Variants in MYBPC1 observed in about 807,000 individuals in gnomAD.
MYBPC1 encodes the protein myosin binding protein C1, also known as myosin-binding protein C, slow-type.
MYBPC1 carries 52 observed loss-of-function variants against 147.1 expected under a neutral mutation model. The ratio of observed to expected loss-of-function variants is 0.35; its 90% CI spans 0.28 to 0.45. MYBPC1 has a LOEUF of 0.45. Among genes scored for constraint, MYBPC1 ranks in the 20% least tolerant of loss-of-function variants. The pLI, the probability that MYBPC1 is intolerant of heterozygous loss-of-function variation, is 1.00. For synonymous variants in MYBPC1, 477 were observed against 475.9 expected, an observed-to-expected ratio of 1.00 and a Z score of -0.03; for missense variants, 1,228 against 1,440.3, an observed-to-expected ratio of 0.85 and a Z score of 2.39.
intron 24 of MYBPC1, among the ~76,000 whole-genome samples, chr12:101,671,255 G>A (rs61935719): frequency 1.1e-4 from 16 of 151,002 alleles, no homozygotes; most frequent in East Asian, 3.9e-4. Context: ...TGTGGCTATC[G>A]TATCAGCCAG....
intron 5 of MYBPC1, chr12:101,629,138 G>A (rs1484981580): frequency 2.5e-6 from 1 of 400,290 alleles, no homozygotes; most frequent in Non-Finnish European, 4.7e-6. Context: ...GCAAGATGGG[G>A]AAGCAAAGGA....
the MYBPC1 span, among the ~76,000 whole-genome samples, chr12:101,695,611 C>T: frequency 6.6e-6 from 1 of 152,092 alleles, no homozygotes; most frequent in Non-Finnish European, 1.5e-5. Context: ...TTTGTTTTTC[C>T]TGTCCTCTTA....
At chr12:101,682,720 GAA>G in intron 30 of MYBPC1, 58 bp downstream of exon 30, 1 of 1,458,850 alleles carries the variant, frequency 6.9e-7, no homozygotes, top group Non-Finnish European at 9.6e-7. Context: ...CCTCTTACAT[GAA>G]AATGCACCTT....
At chr12:101,643,901 C>T (rs1038231741) in intron 11 of MYBPC1, among the ~76,000 whole-genome samples, 2 of 151,992 alleles carry the variant, frequency 1.3e-5, no homozygotes, top group Admixed American at 6.5e-5. Context: ...CAAAGGCATT[C>T]GATTTAATAT....
chr12:101,691,762 G>A, the MYBPC1 span, among the ~76,000 whole-genome samples: 1 of 152,202 alleles, frequency 6.6e-6, no homozygotes, highest in East Asian at 1.9e-4. Flanking sequence ...CTTCCTGTGT[G>A]TCTGTAATCA....
chr12:101,631,984 A>T (rs761045449), intron 7 of MYBPC1, 37 bp from the exon 8 acceptor site: 1 of 1,523,830 alleles, frequency 6.6e-7, no homozygotes, highest in African/African-American at 1.4e-5. Flanking sequence ...TTGGAAAATA[A>T]ACTGAAATGT....
In MYBPC1 at chr12:101,670,401, C is replaced by T; in HGVS notation, c.2605C>T (p.Pro869Ser). The change falls in exon 24 of 32, where the codon CCT becomes TCT. Residue 869 changes from proline (P) to serine (S), a missense_variant. Physicochemically the swap from Pro to Ser is moderately conservative, Grantham distance 74 (BLOSUM62 -1). This residue lies in a region of MYBPC1 where 1,077 missense variants were observed against 1,314.2 expected (regional missense o/e 0.82). Transcript: ENST00000361466. Reference protein sequence around the residue: ...RVGEAVNLVIPFQGKPRPELT... With the variant: ...RVGEAVNLVISFQGKPRPELT... ...TGGAGAAGCTGTCAATCTGGTTATA[C>T]CTTTCCAGGTAAGAGTTCAAGGGTC... 1.2e-6 allele frequency: 2 copies of T among 1,613,476 alleles called. No individual in the cohort carries two copies. Among genetic ancestry groups the T allele is most frequent in the Non-Finnish European group, 1.7e-6 (2 of 1,179,444 alleles).
At chr12:101,658,040 A>G (rs1013776906) in intron 18 of MYBPC1, among the ~76,000 whole-genome samples, 3 of 151,220 alleles carry the variant, frequency 2.0e-5, no homozygotes, top group Admixed American at 1.3e-4. Context: ...CTGAGGCAGG[A>G]GAATGGCGTG....
At chr12:101,622,096 C>A (rs1470112911) in intron 3 of MYBPC1, among the ~76,000 whole-genome samples, 4 of 152,094 alleles carry the variant, frequency 2.6e-5, no homozygotes, top group Non-Finnish European at 5.9e-5. Flanking sequence ...TTCCAACAAG[C>A]TAAAATCTGA....
intron 1 of MYBPC1, among the ~76,000 whole-genome samples, 187 bp downstream of exon 1, chr12:101,595,282 A>T (rs923061851): frequency 1.3e-5 from 2 of 152,216 alleles, no homozygotes; most frequent in East Asian, 3.8e-4. Flanking sequence ...GAATTGAAAA[A>T]TTTCTGATAA....
chr12:101,694,218 C>T, the MYBPC1 span, among the ~76,000 whole-genome samples: 2 of 152,200 alleles, frequency 1.3e-5, no homozygotes, highest in Non-Finnish European at 2.9e-5. Flanking sequence ...ATTGCATTTA[C>T]CTTCCTTTCT....
intron 10 of MYBPC1, among the ~76,000 whole-genome samples, chr12:101,639,923 T>C (rs775045925): frequency 2.0e-4 from 31 of 152,054 alleles, no homozygotes; most frequent in Middle Eastern, 3.2e-3. Context: ...GGACTATATT[T>C]AGGCTGGAAT....
chr12:101,687,830 T>C (rs1373042421), downstream of MYBPC1, among the ~76,000 whole-genome samples: 1 of 152,240 alleles, frequency 6.6e-6, no homozygotes, highest in Non-Finnish European at 1.5e-5. Context: ...TAAAAGAGAC[T>C]GTAAAACCTC....
intron 1 of MYBPC1, among the ~76,000 whole-genome samples, chr12:101,599,464 G>T (rs969281478): frequency 2.6e-5 from 4 of 152,110 alleles, no homozygotes; most frequent in Admixed American, 6.6e-5. Flanking sequence ...CTATTTCTAA[G>T]CATTTCTCAG....
chr12:101,625,086 G>A (rs1171722810), intron 3 of MYBPC1, among the ~76,000 whole-genome samples: 2 of 151,930 alleles, frequency 1.3e-5, no homozygotes, highest in African/African-American at 2.4e-5. Flanking sequence ...TTTAAAAATC[G>A]GGGCTGTTAA....
At chr12:101,639,314 G>C (rs1278424683) in intron 10 of MYBPC1, among the ~76,000 whole-genome samples, 2 of 152,196 alleles carry the variant, frequency 1.3e-5, no homozygotes, top group East Asian at 1.9e-4. Context: ...AATCAGAAGT[G>C]CCTACAGAAA....
intron 1 of MYBPC1, chr12:101,600,497 ATT>A (rs1288488257): frequency 6.6e-6 from 1 of 152,124 alleles, no homozygotes; most frequent in Non-Finnish European, 1.5e-5. Context: ...ACAAAATGAC[ATT>A]TTTGCAATAC....
intron 22 of MYBPC1, chr12:101,664,472 C>T (rs528261518): frequency 7.9e-5 from 12 of 152,278 alleles, no homozygotes; most frequent in Non-Finnish European, 4.4e-5. Context: ...GGACACCAAA[C>T]TTTAACACAG....
intron 24 of MYBPC1, among the ~76,000 whole-genome samples, chr12:101,673,225 A>T (rs569159973): frequency 2.0e-5 from 3 of 152,314 alleles, no homozygotes; most frequent in African/African-American, 7.2e-5. Context: ...AAAATAATCA[A>T]TGTTATGTAC....
Sources: allele counts gnomAD v4.1 joint callset (sites outside exome capture counted in the v4.1 genomes callset), GRCh38; gene constraint gnomAD v4.1.1; regional missense constraint gnomAD v4.1.1; transcripts MANE v1.5; gene names NCBI Gene and HGNC (gene_info 2026-07-23, HGNC 2026-07-21).